The following MDFI variants were observed in gnomAD, a reference collection of about 807,000 sequenced individuals.
The protein encoded by MDFI is MyoD family inhibitor.
Under a neutral mutation model 22.3 loss-of-function variants are expected in MDFI, and 16 were observed. The observed-to-expected ratio is 0.72, with a 90% CI of 0.49 to 1.09. The LOEUF (loss-of-function observed/expected upper bound fraction) is 1.09, where lower values mean the gene tolerates loss of function less well. Among genes scored for constraint, MDFI ranks in the 50% least tolerant of loss-of-function variants. MDFI has a pLI of 0.00. For synonymous variants in MDFI, 145 were observed against 142.7 expected (o/e 1.02, Z -0.12); for missense variants, 314 against 326.1 (o/e 0.96, Z 0.29).
At position 41,638,891 on chromosome 6, in the gene MDFI, A is replaced by C. The variant is rs1412475297; in HGVS notation, c.76+66A>C. ...TGGGCGGCTGAAGGGGCCAGTTATTAGTTCTCCTCTCCGTCCCCAGACGCG... is the reference window on the plus strand; with the variant it reads ...TGGGCGGCTGAAGGGGCCAGTTATTCGTTCTCCTCTCCGTCCCCAGACGCG... On this transcript the variant is annotated intron_variant, in intron 2 of 4. Transcript: ENST00000230321. This position sits in a 1 kb window ranked among gnomAD's most constrained non-coding sequence, Gnocchi z 7.6. The C allele has an allele frequency of 3.4e-5, 49 of 1,458,142 alleles. No homozygotes were observed. The highest frequency in any genetic ancestry group is 4.0e-5 in the Non-Finnish European group (44 of 1,089,920). 90.3% of individuals were successfully genotyped at this position (1,458,142 alleles called of 1,614,324 possible).
chr6:41,638,830 G>T lies in MDFI; in HGVS notation c.76+5G>T. ...CCAGCGCAGCCCCGGGCCCAGGTAG[G>T]ACCGGGAGTGGCGAGCGAAGCTGGA... is the stretch of plus-strand genomic sequence containing the variant. On this transcript the variant is annotated splice_donor_5th_base_variant and intron_variant, in intron 2 of 4. Coordinates refer to ENST00000230321, the MANE Select transcript of MDFI (RefSeq NM_005586.4). This position sits in a 1 kb window ranked among gnomAD's most constrained non-coding sequence, Gnocchi z 7.6. 6.4e-7 allele frequency: 1 copy of T among 1,552,264 alleles called. No individual in the cohort carries two copies. Among genetic ancestry groups the T allele is most frequent in the South Asian group, 1.2e-5 (1 of 84,952 alleles).
At position 41,639,908 on chromosome 6, in the gene MDFI, C is replaced by G. The variant is rs561087194; in HGVS notation, c.76+1083C>G. 6.1e-6 allele frequency: 6 copies of G among 985,432 alleles called. No individual in the cohort carries two copies. In the South Asian group the frequency reaches 1.9e-4, roughly 31 times the overall value. The allele number at this position is 985,432 out of a possible 1,614,324, so 61.0% of individuals were successfully genotyped here. A position where few individuals can be genotyped will look rare whatever the true frequency, so the allele number is the denominator to read the frequency against. ...CTGTTCTAGGAGGCCCCTCTCCACT[C>G]CCCACCTACTTGGTATGGACGCCTA... On this transcript the variant is annotated intron_variant, in intron 2 of 4. Transcript: ENST00000230321.
At chr6:41,643,809 A>G (rs1047258665) in intron 2 of MDFI, among the ~76,000 whole-genome samples, 18 of 128,244 alleles carry the variant, frequency 1.4e-4, no homozygotes, top group African/African-American at 4.7e-4. Context: ...AGGACTGCAA[A>G]GTAACCCAAC....
chr6:41,646,482 G>C (rs1376414765), intron 3 of MDFI, among the ~76,000 whole-genome samples, 174 bp downstream of exon 3: 3 of 152,154 alleles, frequency 2.0e-5, no homozygotes, highest in Non-Finnish European at 4.4e-5. Context: ...TCAAGGGGAA[G>C]ACCTCCACTG....
chr6:41,650,188 T>A, intron 4 of MDFI: 1 of 230,548 alleles, frequency 4.3e-6, no homozygotes, highest in Non-Finnish European at 8.4e-6. Context: ...TGATCCATCT[T>A]AAGCCACTCT....
In MDFI at chr6:41,653,247, A is replaced by G. The variant is rs1581847107; in HGVS notation, c.485-72A>G. On this transcript the variant is annotated intron_variant, in intron 4 of 4. Transcript: ENST00000230321. The surrounding 1 kb of genome is among the most constrained non-coding windows in gnomAD (Gnocchi z 4.2). ...TGCTGCCGCTGCCGCAGGCCCCCAC[A>G]CCCCCGGCTATTTCACACACGCTCA... 1 of 1,503,632 alleles carries G rather than the reference A, an allele frequency of 6.7e-7. No individual in the cohort carries two copies. Among genetic ancestry groups the G allele is most frequent in the South Asian group, 1.2e-5 (1 of 82,956 alleles). The allele number at this position is 1,503,632 out of a possible 1,614,324, so 93.1% of individuals were successfully genotyped here. A position where few individuals can be genotyped will look rare whatever the true frequency, so the allele number is the denominator to read the frequency against.
chr6:41,644,945 G>A (rs1187993402), intron 2 of MDFI, among the ~76,000 whole-genome samples: 4 of 150,716 alleles, frequency 2.7e-5, no homozygotes, highest in Admixed American at 6.6e-5. Context: ...GCCTCTCCCC[G>A]TGTCCCCCTC....
At chr6:41,639,510 T>A in intron 2 of MDFI, 2 of 985,420 alleles carry the variant, frequency 2.0e-6, no homozygotes, top group Non-Finnish European at 2.4e-6. Context: ...GGTTTGTGAC[T>A]CCCTGAAGGG....
Position 41,653,334 on chromosome 6 carries a change from G to A in MDFI, c.500G>A (p.Cys167Tyr). The change falls in exon 5 of 5, where the codon TGC becomes TAC. Residue 167 changes from cysteine (C) to tyrosine (Y), a missense_variant. Cys to Tyr is a radical substitution (Grantham distance 194). Coordinates refer to ENST00000230321, the MANE Select transcript of MDFI (RefSeq NM_005586.4). The surrounding 1 kb of genome is among the most constrained non-coding windows in gnomAD (Gnocchi z 4.2). ...CACCCCGCAGACTGCTGTGTCCACT[G>A]CATCCTGTCCTGCCTGTTCTGCGAG... ...LQAQEDCCVH[C>Y]ILSCLFCEFL... 6.2e-7 allele frequency: 1 copy of A among 1,612,112 alleles called. No homozygotes were observed. Among genetic ancestry groups the A allele is most frequent in the Non-Finnish European group, 8.5e-7 (1 of 1,179,536 alleles).
chr6:41,647,419 G>T, intron 3 of MDFI, among the ~76,000 whole-genome samples: 1 of 152,350 alleles, frequency 6.6e-6, no homozygotes, highest in East Asian at 1.9e-4. Flanking sequence ...AAGGGGCACC[G>T]AAGCTGGCCA....
chr6:41,648,042 C>CAAA (rs3050046), intron 3 of MDFI, among the ~76,000 whole-genome samples: 118 of 65,300 alleles, frequency 1.8e-3, no homozygotes, highest in East Asian at 2.5e-3. Context: ...GACTCCGTCT[C>CAAA]AAAAAAAAAA....
At chr6:41,646,927 A>C (rs1768074154) in intron 3 of MDFI, among the ~76,000 whole-genome samples, 1 of 152,218 alleles carries the variant, frequency 6.6e-6, no homozygotes, top group South Asian at 2.1e-4. Flanking sequence ...GCAATGAGGC[A>C]GCAGGATGGC....
upstream of MDFI, among the ~76,000 whole-genome samples, chr6:41,637,964 G>A (rs1012285243): frequency 1.3e-5 from 2 of 152,218 alleles, no homozygotes; most frequent in Non-Finnish European, 1.5e-5. This position sits in a 1 kb window ranked among gnomAD's most constrained non-coding sequence, Gnocchi z 6.8. Flanking sequence ...GGGTGGCCTG[G>A]GAGCCCAGAT....
chr6:41,638,878 G>T lies in MDFI; in HGVS notation c.76+53G>T. ...GGACAGGGGCGGGTGGGCGGCTGAA[G>T]GGGCCAGTTATTAGTTCTCCTCTCC... On this transcript the variant is annotated intron_variant, in intron 2 of 4. Transcript: ENST00000230321. This position sits in a 1 kb window ranked among gnomAD's most constrained non-coding sequence, Gnocchi z 7.6. 1.3e-6 allele frequency: 2 copies of T among 1,506,068 alleles called. No homozygotes were observed. The highest frequency in any genetic ancestry group is 1.8e-6 in the Non-Finnish European group (2 of 1,126,392). The allele number at this position is 1,506,068 out of a possible 1,614,324, so 93.3% of individuals were successfully genotyped here.
chr6:41,639,292 G>A, intron 2 of MDFI: 1 of 985,358 alleles, frequency 1.0e-6, no homozygotes, highest in Non-Finnish European at 1.2e-6. Context: ...GCGAGCGGCT[G>A]CAGGACCCAG....
In MDFI at chr6:41,653,837, T is replaced by G; in HGVS notation, c.*262T>G. On this transcript the variant is annotated 3_prime_UTR_variant, in exon 5 of 5. Transcript: ENST00000230321. The surrounding 1 kb of genome is among the most constrained non-coding windows in gnomAD (Gnocchi z 4.2). ...CTGGGTTACCAGGTTCATACATTGC[T>G]GAGGACCTGACAGGACAACCTAGGG... 1.9e-6 allele frequency: 1 copy of G among 533,122 alleles called. No homozygotes were observed. 33.0% of individuals were successfully genotyped at this position (533,122 alleles called of 1,614,324 possible).
intron 4 of MDFI, among the ~76,000 whole-genome samples, chr6:41,650,399 A>C (rs1768224715): frequency 6.6e-6 from 1 of 152,140 alleles, no homozygotes; most frequent in Non-Finnish European, 1.5e-5. Flanking sequence ...TCAATTGAAC[A>C]TGGCCAACAG....
chr6:41,645,263 C>T (rs1056734612), intron 2 of MDFI, among the ~76,000 whole-genome samples: 7 of 151,948 alleles, frequency 4.6e-5, no homozygotes, highest in Admixed American at 1.3e-4. Flanking sequence ...TCCTCCCTCC[C>T]TCACCTCCCA....
chr6:41,643,659 A>G (rs939433540), intron 2 of MDFI, among the ~76,000 whole-genome samples: 17 of 150,492 alleles, frequency 1.1e-4, no homozygotes, highest in Admixed American at 7.3e-4. Context: ...TTAAAAAAAA[A>G]AGAGAGAGAG....
Sources: gnomAD v4.1 joint callset for allele counts (sites outside exome capture counted in the v4.1 genomes callset) on GRCh38, gnomAD v4.1.1 for gene constraint, Gnocchi (gnomAD v3.1) non-coding constraint, MANE v1.5 for transcripts, NCBI Gene and HGNC (gene_info 2026-07-23, HGNC 2026-07-21) for gene names.